The following CDH18 variants were observed in gnomAD, a reference collection of about 807,000 sequenced individuals.
CDH18 encodes the protein cadherin-18.
A neutral mutation model predicts 67.9 loss-of-function variants in CDH18; 31 were observed. That is an observed-to-expected ratio of 0.46 (90% confidence interval 0.34 to 0.62). CDH18 has a LOEUF of 0.62. Ranked by LOEUF, CDH18 falls within the 20% of genes least tolerant of loss-of-function variation. The pLI is 0.01. For synonymous variants in CDH18, 362 were observed against 347.2 expected, an observed-to-expected ratio of 1.04 and a Z score of -0.48; for missense variants, 890 against 975.5, an observed-to-expected ratio of 0.91 and a Z score of 1.17.
Position 19,969,711 on chromosome 5 carries a change from G to C in CDH18, c.-257+11349C>G, listed in dbSNP as rs914145884. 1.4e-3 allele frequency among the ~76,000 whole-genome samples: 194 copies of C among 136,046 alleles called. 5 individuals carry two copies. The highest frequency in any genetic ancestry group is 4.9e-3 in the African/African-American group (181 of 36,610). The allele number at this position is 136,046 out of a possible 152,430, so 89.3% of individuals were successfully genotyped here. Reference sequence around the variant, plus strand: ...GACTGTTGTGTGGTGGGGGGAGCGGGGAGGGATAGCATTAGGAGATATACC... The same window carrying C: ...GACTGTTGTGTGGTGGGGGGAGCGGCGAGGGATAGCATTAGGAGATATACC... On this transcript the variant is annotated intron_variant, in intron 2 of 12. Coordinates refer to ENST00000382275, the MANE Select transcript of CDH18 (RefSeq NM_004934.5).
At chr5:20,034,098 TG>T (rs1739630520) in intron 2 of CDH18, among the ~76,000 whole-genome samples, 1 of 151,954 alleles carries the variant, frequency 6.6e-6, no homozygotes, top group African/African-American at 2.4e-5. Flanking sequence ...GACACATATG[TG>T]GATGGAAATA....
intron 1 of CDH18, among the ~76,000 whole-genome samples, chr5:20,486,450 A>G (rs547975649): frequency 3.3e-5 from 5 of 151,930 alleles, no homozygotes; most frequent in Non-Finnish European, 7.4e-5. Context: ...CTCTTATTTC[A>G]TAGGCATGTG....
At chr5:19,668,399 T>G (rs936749241) in intron 5 of CDH18, among the ~76,000 whole-genome samples, 2 of 151,942 alleles carry the variant, frequency 1.3e-5, no homozygotes, top group African/African-American at 2.4e-5. Context: ...ACAAATAAGA[T>G]GATAATAAAC....
chr5:19,714,015 T>C (rs964061044), intron 5 of CDH18, among the ~76,000 whole-genome samples: 1 of 152,164 alleles, frequency 6.6e-6, no homozygotes, highest in Non-Finnish European at 1.5e-5. Context: ...AGGTATCAGT[T>C]AGTGCAGGGC....
intron 2 of CDH18, among the ~76,000 whole-genome samples, chr5:20,142,447 G>A (rs774071644): frequency 7.9e-5 from 12 of 151,894 alleles, no homozygotes; most frequent in Non-Finnish European, 1.5e-4. Flanking sequence ...CGGCGTGGTG[G>A]CAAGCACCCG....
intron 2 of CDH18, among the ~76,000 whole-genome samples, chr5:20,227,577 C>G (rs952250568): frequency 2.6e-5 from 4 of 152,076 alleles, no homozygotes; most frequent in Admixed American, 6.6e-5. Context: ...TCTAAAAAAG[C>G]AATTTTTGTC....
intron 3 of CDH18, among the ~76,000 whole-genome samples, chr5:19,803,521 A>G (rs1271929040): frequency 2.0e-5 from 3 of 152,196 alleles, no homozygotes; most frequent in Non-Finnish European, 4.4e-5. Context: ...GATGTACAAC[A>G]TAACCACAAC....
chr5:19,860,000 G>GTGTGTGTA (rs963895428), intron 2 of CDH18, among the ~76,000 whole-genome samples: 1 of 150,820 alleles, frequency 6.6e-6, no homozygotes, highest in Non-Finnish European at 1.5e-5. Context: ...GTGTGTGTGT[G>GTGTGTGTA]TGTGTGTGTG....
In CDH18 at chr5:20,262,491, T is replaced by A. The variant is rs75887363; in HGVS notation, c.-579-6986A>T. 8.8e-3 allele frequency among the ~76,000 whole-genome samples: 1,347 copies of A among 152,286 alleles called. 24 individuals carry two copies. Among genetic ancestry groups the A allele is most frequent in the African/African-American group, 0.03 (1,237 of 41,558 alleles). ...TTCCATAATACATATGCATAAATTCTAAGGTACTGAGAGTGTGGGATCAAA... is the reference window on the plus strand; with the variant it reads ...TTCCATAATACATATGCATAAATTCAAAGGTACTGAGAGTGTGGGATCAAA... On this transcript the variant is annotated intron_variant, in intron 1 of 14. Transcript: ENST00000507958.
intron 2 of CDH18, among the ~76,000 whole-genome samples, chr5:20,212,005 AC>A (rs1740392672): frequency 6.6e-6 from 1 of 152,154 alleles, no homozygotes; most frequent in South Asian, 2.1e-4. Context: ...GGATGTTTGA[AC>A]CCATCACAAA....
At chr5:20,477,706 C>A (rs538651540) in intron 1 of CDH18, among the ~76,000 whole-genome samples, 44 of 152,268 alleles carry the variant, frequency 2.9e-4, no homozygotes, top group African/African-American at 9.6e-4. Context: ...CAGTATAGGA[C>A]AGAAGGACTG....
intron 1 of CDH18, among the ~76,000 whole-genome samples, chr5:20,521,038 T>A (rs922306863): frequency 2.0e-5 from 3 of 152,108 alleles, no homozygotes; most frequent in East Asian, 1.9e-4. Context: ...AGAAAAAAAA[T>A]TTTAATTAGT....
At chr5:19,508,306 T>C (rs1379047881) in intron 10 of CDH18, among the ~76,000 whole-genome samples, 1 of 152,152 alleles carries the variant, frequency 6.6e-6, no homozygotes, top group Non-Finnish European at 1.5e-5. Flanking sequence ...TCTAGATAAT[T>C]GCCAGGTTTC....
intron 3 of CDH18, among the ~76,000 whole-genome samples, chr5:19,758,814 T>G (rs1270509058): frequency 2.6e-5 from 4 of 152,240 alleles, no homozygotes; most frequent in Non-Finnish European, 5.9e-5. Context: ...CCCCATCCTC[T>G]GGCACGCAAA....
At chr5:20,401,958 C>A (rs763302576) in intron 1 of CDH18, among the ~76,000 whole-genome samples, 1 of 152,198 alleles carries the variant, frequency 6.6e-6, no homozygotes, top group Admixed American at 6.5e-5. Context: ...TTCCTTTGAT[C>A]TTCTAAGCCT....
chr5:20,264,791 C>T (rs1744907198), intron 1 of CDH18, among the ~76,000 whole-genome samples: 1 of 152,022 alleles, frequency 6.6e-6, no homozygotes, highest in East Asian at 1.9e-4. Flanking sequence ...TTTAGAGTGA[C>T]ATAAAATTAG....
At chr5:20,561,838 T>C (rs1158900585) in intron 1 of CDH18, among the ~76,000 whole-genome samples, 4 of 151,916 alleles carry the variant, frequency 2.6e-5, no homozygotes, top group African/African-American at 9.7e-5. Flanking sequence ...ATGAAACTGA[T>C]TTTTTTCACC....
chr5:19,743,430 T>G (rs1769499307), intron 4 of CDH18, among the ~76,000 whole-genome samples: 1 of 152,106 alleles, frequency 6.6e-6, no homozygotes, highest in African/African-American at 2.4e-5. Context: ...ATTTTGGGCA[T>G]TGTGGGCCAG....
chr5:19,911,793 T>C (rs1791172505), intron 2 of CDH18, among the ~76,000 whole-genome samples: 1 of 152,190 alleles, frequency 6.6e-6, no homozygotes, highest in South Asian at 2.1e-4. Flanking sequence ...CACACCTACT[T>C]AGACAATATC....
Sources: gnomAD v4.1 joint callset for allele counts (sites outside exome capture counted in the v4.1 genomes callset) on GRCh38, gnomAD v4.1.1 for gene constraint, MANE v1.5 for transcripts, NCBI Gene and HGNC (gene_info 2026-07-23, HGNC 2026-07-21) for gene names.